ZNF473: variants seen among roughly 807,000 people sequenced by gnomAD.
ZNF473 encodes the protein zinc finger protein 100 homolog.
A neutral mutation model predicts 11.1 loss-of-function variants in ZNF473; 4 were observed. The observed-to-expected ratio is 0.36, with a 90% CI of 0.18 to 0.82. The LOEUF (loss-of-function observed/expected upper bound fraction) is 0.82. ZNF473 is among the 40% of genes least tolerant of loss of function. The pLI, the probability that ZNF473 is intolerant of heterozygous loss-of-function variation, is 0.49. For missense variants in ZNF473, 854 were observed against 1,084.0 expected, an observed-to-expected ratio of 0.79 and a Z score of 2.98; for synonymous variants, 404 against 390.4, an observed-to-expected ratio of 1.03 and a Z score of -0.41.
In ZNF473 at chr19:50,040,780, C is replaced by T. The variant is rs568812199; in HGVS notation, c.137-950C>T. On this transcript the variant is annotated intron_variant, in intron 3 of 4. Coordinates refer to ENST00000270617, the MANE Select transcript of ZNF473 (RefSeq NM_015428.4). ...GATGAAAGAAGTAAAAGATAACACA[C>T]GGTGGAAACTATCATTTGATAGAAT... is the stretch of plus-strand genomic sequence containing the variant. Among the ~76,000 whole-genome samples the T allele has an allele frequency of 6.6e-5, 10 of 152,356 alleles. No homozygotes were observed. The South Asian group carries it at 8.3e-4, about 13-fold the overall frequency.
In ZNF473 at chr19:50,046,143, G is replaced by C; in HGVS notation, c.1700G>C (p.Cys567Ser). The C allele has an allele frequency of 3.7e-6, 6 of 1,614,188 alleles. No individual in the cohort carries two copies. Among genetic ancestry groups the C allele is most frequent in the Non-Finnish European group, 5.1e-6 (6 of 1,180,034 alleles). The change falls in exon 5 of 5, where the codon TGT (cysteine) becomes TCT (serine). Residue 567 changes from cysteine (C) to serine (S), a missense_variant. By Grantham distance (112) the Cys-to-Ser change is moderately radical (BLOSUM62 -1). Coordinates refer to ENST00000270617, the MANE Select transcript of ZNF473 (RefSeq NM_015428.4). The surrounding 1 kb of genome is among the most constrained non-coding windows in gnomAD (Gnocchi z 5.9). The part of the protein sequence containing the change: ...QKEKCFKCNK[C>S]EKTFSCSKYL... ...GAGAAGTGCTTTAAGTGTAACAAATGTGAGAAAACCTTTAGCTGCAGCAAA... is the reference window on the plus strand; with the variant it reads ...GAGAAGTGCTTTAAGTGTAACAAATCTGAGAAAACCTTTAGCTGCAGCAAA...
intron 1 of ZNF473, among the ~76,000 whole-genome samples, chr19:50,027,708 T>G (rs964021509): frequency 7.5e-6 from 1 of 133,430 alleles, no homozygotes; most frequent in South Asian, 2.2e-4. Context: ...GAGAATTGTG[T>G]TTTTTTTTTG....
chr19:50,046,083 G>A lies in ZNF473; in HGVS notation c.1640G>A (p.Ser547Asn), dbSNP rs768967570. ...HAREKQGFFVSGKILDQNPEQ... is the reference protein window; with the variant it reads ...HAREKQGFFVNGKILDQNPEQ... ...AGAGAAAAACAAGGATTTTTTGTGA[G>A]TGGGAAGATCTTGGATCAGAACCCA... Residue 547 changes from serine to asparagine, a missense_variant, in exon 5 of 5, where the codon AGT (serine) becomes AAT (asparagine). Transcript: ENST00000270617. The surrounding 1 kb of genome is among the most constrained non-coding windows in gnomAD (Gnocchi z 5.9). 8.1e-6 allele frequency: 13 copies of A among 1,614,220 alleles called. No individual in the cohort carries two copies. The highest frequency in any genetic ancestry group is 1.1e-5 in the Non-Finnish European group (13 of 1,180,046).
rs1455589858 is a variant in ZNF473 at position 50,048,388 on chromosome 19, G to A, written c.*1329G>A. ...ATTTTAGGTGCTGAAAATGGTGAGGGAGTGAGTGCTCTGCACCCTTGGGCT... is the reference window on the plus strand; with the variant it reads ...ATTTTAGGTGCTGAAAATGGTGAGGAAGTGAGTGCTCTGCACCCTTGGGCT... On this transcript the variant is annotated 3_prime_UTR_variant, in exon 5 of 5. Coordinates refer to ENST00000270617, the MANE Select transcript of ZNF473 (RefSeq NM_015428.4). 6.6e-6 allele frequency: 1 copy of A among 152,248 alleles called. No homozygotes were observed. The highest frequency in any genetic ancestry group is 1.9e-4 in the East Asian group (1 of 5,202). The allele number at this position is 152,248 out of a possible 1,614,324, so 9.4% of individuals were successfully genotyped here.
chr19:50,044,812 T>C lies in ZNF473; in HGVS notation c.369T>C (p.Asp123=), dbSNP rs938105362. The C allele has an allele frequency of 3.7e-6, 6 of 1,614,110 alleles. No homozygotes were observed. The highest frequency in any genetic ancestry group is 5.1e-6 in the Non-Finnish European group (6 of 1,180,054). Residue 123 remains aspartate, a synonymous_variant, in exon 5 of 5, where the codon GAT becomes GAC. Coordinates refer to ENST00000270617, the MANE Select transcript of ZNF473 (RefSeq NM_015428.4). ...GEACIEDTWL[D]SLLGDPESLL... ...CCTGTATAGAGGACACCTGGTTAGA[T>C]AGTTTGCTAGGCGATCCAGAAAGTC... is the stretch of plus-strand genomic sequence containing the variant.
chr19:50,027,054 G>A (rs1329258460), intron 1 of ZNF473, among the ~76,000 whole-genome samples: 2 of 152,198 alleles, frequency 1.3e-5, no homozygotes, highest in South Asian at 2.1e-4. Context: ...TCTGATCCCC[G>A]CAGCAGCACT....
In ZNF473 at chr19:50,046,119, A is replaced by G; in HGVS notation, c.1676A>G (p.Glu559Gly). 6.2e-7 allele frequency: 1 copy of G among 1,614,256 alleles called. No homozygotes were observed. Among genetic ancestry groups the G allele is most frequent in the Non-Finnish European group, 8.5e-7 (1 of 1,180,048 alleles). ...KILDQNPEQK[E>G]KCFKCNKCEK... Reference sequence around the variant, plus strand: ...TTGGATCAGAACCCAGAACAGAAAGAGAAGTGCTTTAAGTGTAACAAATGT... The same window carrying G: ...TTGGATCAGAACCCAGAACAGAAAGGGAAGTGCTTTAAGTGTAACAAATGT... Residue 559 changes from glutamate to glycine, a missense_variant, in exon 5 of 5, where the codon GAG becomes GGG. Transcript: ENST00000270617. This position sits in a 1 kb window ranked among gnomAD's most constrained non-coding sequence, Gnocchi z 5.9.
intron 4 of ZNF473, chr19:50,043,448 A>AAAAAT (rs1259545565): frequency 9.3e-6 from 1 of 107,916 alleles, no homozygotes; most frequent in Non-Finnish European, 1.7e-5. Context: ...AAAAAAAAAA[A>AAAAAT]ATATATATAT....
intron 2 of ZNF473, among the ~76,000 whole-genome samples, chr19:50,031,676 T>C (rs2077318920): frequency 6.6e-6 from 1 of 152,116 alleles, no homozygotes; most frequent in Non-Finnish European, 1.5e-5. Flanking sequence ...TGCCCATATC[T>C]GTCAGCCCCA....
chr19:50,044,234 G>A (rs1370739865), intron 4 of ZNF473, among the ~76,000 whole-genome samples: 1 of 152,174 alleles, frequency 6.6e-6, no homozygotes, highest in Non-Finnish European at 1.5e-5. Context: ...ATAGTGCCAA[G>A]TTGAGGGAGG....
In ZNF473 at chr19:50,037,843, T is replaced by A. The variant is rs769327265; in HGVS notation, c.10-1318T>A. Among the ~76,000 whole-genome samples the A allele has an allele frequency of 2.4e-4, 36 of 151,548 alleles. 1 individual carries two copies. Among genetic ancestry groups the A allele is most frequent in the Non-Finnish European group, 4.7e-4 (32 of 67,950 alleles). ...CGCTCGCTCTCTCTCTCTGTATATATAATATATATAATTTATGGATTACCA... is the reference window on the plus strand; with the variant it reads ...CGCTCGCTCTCTCTCTCTGTATATAAAATATATATAATTTATGGATTACCA... On this transcript the variant is annotated intron_variant, in intron 2 of 4. Transcript: ENST00000270617.
chr19:50,040,138 G>C (rs917151960), intron 3 of ZNF473, among the ~76,000 whole-genome samples: 1 of 152,190 alleles, frequency 6.6e-6, no homozygotes, highest in Non-Finnish European at 1.5e-5. Context: ...CCTGTAGTCA[G>C]ACTCATGGCT....
At chr19:50,041,540 C>G in intron 3 of ZNF473, 190 bp from the exon 4 acceptor site, 1 of 422,276 alleles carries the variant, frequency 2.4e-6, no homozygotes, top group South Asian at 4.5e-5. Context: ...TTGGCTCCCT[C>G]TCCATCACTG....
At chr19:50,027,393 C>T (rs2077291563) in intron 1 of ZNF473, among the ~76,000 whole-genome samples, 1 of 152,098 alleles carries the variant, frequency 6.6e-6, no homozygotes, top group Admixed American at 6.5e-5. Flanking sequence ...GAAACTAAGG[C>T]TTAGAGAAGG....
rs777117400 is a variant in ZNF473, at chr19:50,047,095, C to A, written c.*36C>A. On this transcript the variant is annotated 3_prime_UTR_variant, in exon 5 of 5. Coordinates refer to ENST00000270617, the MANE Select transcript of ZNF473 (RefSeq NM_015428.4). ...GCAGCAGAGTCCCAGAATATGAGAC[C>A]GTTACTCGGATGTTGAAAGTTGGAA... The A allele has an allele frequency of 1.4e-5, 21 of 1,535,632 alleles. No individual in the cohort carries two copies. The highest frequency in any genetic ancestry group is 1.8e-5 in the Non-Finnish European group (20 of 1,126,358).
intron 4 of ZNF473, chr19:50,043,540 C>T (rs960677136): frequency 5.3e-5 from 8 of 150,790 alleles, no homozygotes; most frequent in African/African-American, 1.5e-4. Context: ...AACGTGCCTA[C>T]CTTACAGGAG....
rs143389566 is a variant in ZNF473 at position 50,045,155 on chromosome 19, G to A, written c.712G>A (p.Val238Ile). Residue 238 changes from valine to isoleucine, a missense_variant, in exon 5 of 5, where the codon GTC (valine) becomes ATC (isoleucine). Val to Ile is a conservative substitution (Grantham distance 29, BLOSUM62 3). Transcript: ENST00000270617. ...WITHTREKPTVHQECEQGFDR... is the reference protein window; with the variant it reads ...WITHTREKPTIHQECEQGFDR... ...CACTCATACTAGGGAGAAACCCACT[G>A]TCCATCAAGAGTGTGAGCAAGGTTT... is the stretch of plus-strand genomic sequence containing the variant. 6.2e-7 allele frequency: 1 copy of A among 1,614,214 alleles called. No individual in the cohort carries two copies. Among genetic ancestry groups the A allele is most frequent in the Non-Finnish European group, 8.5e-7 (1 of 1,180,046 alleles).
At position 50,039,826 on chromosome 19, in the gene ZNF473, A is replaced by C. The variant is rs1978674515; in HGVS notation, c.136+539A>C. Among the ~76,000 whole-genome samples the C allele has an allele frequency of 6.6e-6, 1 of 152,136 alleles. No individual in the cohort carries two copies. Among genetic ancestry groups the C allele is most frequent in the Non-Finnish European group, 1.5e-5 (1 of 68,016 alleles). On this transcript the variant is annotated intron_variant, in intron 3 of 4. Transcript: ENST00000270617. This position sits in a 1 kb window ranked among gnomAD's most constrained non-coding sequence, Gnocchi z 4.8. Reference sequence around the variant, plus strand: ...TTGTCTGTCGCTCCCTCACGTTCTAACTACCATTGTATCATTCAGAGCGGG... The same window carrying C: ...TTGTCTGTCGCTCCCTCACGTTCTACCTACCATTGTATCATTCAGAGCGGG...
Position 50,048,158 on chromosome 19 carries a change from C to T in ZNF473, c.*1099C>T, listed in dbSNP as rs1979247491. The T allele has an allele frequency of 6.6e-6, 1 of 152,200 alleles. No homozygotes were observed. Among genetic ancestry groups the T allele is most frequent in the Non-Finnish European group, 1.5e-5 (1 of 68,046 alleles). The allele number at this position is 152,200 out of a possible 1,614,324, so 9.4% of individuals were successfully genotyped here. ...TTGACAAGTGACATCTTGAAAATGCCACATTCCCTCATGTCACAGGAAGTT... is the reference window on the plus strand; with the variant it reads ...TTGACAAGTGACATCTTGAAAATGCTACATTCCCTCATGTCACAGGAAGTT... On this transcript the variant is annotated 3_prime_UTR_variant, in exon 5 of 5. Coordinates refer to ENST00000270617, the MANE Select transcript of ZNF473 (RefSeq NM_015428.4).
Sources: allele counts gnomAD v4.1 joint callset (sites outside exome capture counted in the v4.1 genomes callset), GRCh38; gene constraint gnomAD v4.1.1; non-coding constraint Gnocchi (gnomAD v3.1); transcripts MANE v1.5; gene names NCBI Gene and HGNC (gene_info 2026-07-23, HGNC 2026-07-21).